TASP1: variants seen among roughly 807,000 people sequenced by gnomAD.
TASP1 encodes taspase 1, also known as threonine aspartase 1.
Under a neutral mutation model 56.6 loss-of-function variants are expected in TASP1, and 16 were observed. The observed-to-expected ratio is 0.28, with a 90% CI of 0.19 to 0.43. The LOEUF is 0.43. TASP1 is among the 20% of genes least tolerant of loss of function. The pLI, the probability that TASP1 is intolerant of heterozygous loss-of-function variation, is 1.00. For synonymous variants in TASP1, 179 were observed against 184.2 expected (o/e 0.97, Z 0.23); for missense variants, 393 against 511.6 (o/e 0.77, Z 2.24).
At position 13,517,116 on chromosome 20, in the gene TASP1, A is replaced by G. The variant is rs185957646; in HGVS notation, c.874+11317T>C. Among the ~76,000 whole-genome samples the G allele has an allele frequency of 1.4e-4, 21 of 152,220 alleles. No individual in the cohort carries two copies. In the East Asian group the frequency reaches 4.1e-3, roughly 29 times the overall value. On this transcript the variant is annotated intron_variant, in intron 10 of 13. Coordinates refer to ENST00000337743, the MANE Select transcript of TASP1 (RefSeq NM_017714.3). Reference sequence around the variant, plus strand: ...TTCCCTAGGTGAATGGATGCAGCAGAGCCTCATTCGGTGCTAATATAAGCC... The same window carrying G: ...TTCCCTAGGTGAATGGATGCAGCAGGGCCTCATTCGGTGCTAATATAAGCC...
At chr20:13,471,796 C>T (rs1327194549) in intron 11 of TASP1, among the ~76,000 whole-genome samples, 1 of 152,106 alleles carries the variant, frequency 6.6e-6, no homozygotes, top group Non-Finnish European at 1.5e-5. Context: ...AACTGAGGAA[C>T]CTGGTTCATC....
At chr20:13,359,145 C>A in the TASP1 span, among the ~76,000 whole-genome samples, 1,454 of 140,320 alleles carry the variant, frequency 0.01, 269 homozygotes, top group African/African-American at 0.041. Context: ...TCTCTGCGCC[C>A]CAGCCACATC....
At chr20:13,314,806 T>C in the TASP1 span, among the ~76,000 whole-genome samples, 4 of 152,122 alleles carry the variant, frequency 2.6e-5, no homozygotes, top group Admixed American at 1.3e-4. Flanking sequence ...TTTATTCAAT[T>C]ATGCACATAT....
chr20:13,233,429 C>A, the TASP1 span, among the ~76,000 whole-genome samples: 1 of 151,996 alleles, frequency 6.6e-6, no homozygotes, highest in East Asian at 1.9e-4. Context: ...AACCCCATCT[C>A]TACTGACAAT....
chr20:13,292,226 T>A, the TASP1 span: 1 of 611,228 alleles, frequency 1.6e-6, no homozygotes, highest in Admixed American at 3.1e-5. Flanking sequence ...TGCTTTTTAC[T>A]GTTTCCTCTG....
At chr20:13,435,989 C>T (rs1351856725) in intron 11 of TASP1, among the ~76,000 whole-genome samples, 4 of 152,016 alleles carry the variant, frequency 2.6e-5, no homozygotes, top group East Asian at 1.9e-4. Flanking sequence ...AGAAAGAAGC[C>T]ATAGCCCAAT....
chr20:13,164,251 T>G, the TASP1 span: 1 of 435,562 alleles, frequency 2.3e-6, no homozygotes, highest in Non-Finnish European at 4.7e-6. Flanking sequence ...TAGTATTTTC[T>G]GGGACACAGA....
chr20:13,251,427 A>G, the TASP1 span, among the ~76,000 whole-genome samples: 2 of 152,228 alleles, frequency 1.3e-5, no homozygotes, highest in Admixed American at 6.5e-5. Flanking sequence ...GAGATCAAAC[A>G]TGCGTCGTGG....
At chr20:13,364,561 T>C in the TASP1 span, among the ~76,000 whole-genome samples, 24,148 of 152,094 alleles carry the variant, frequency 0.16, 2,067 homozygotes, top group Admixed American at 0.22. Context: ...AAGGTCCACC[T>C]GATATATAGC....
At chr20:13,520,477 C>A (rs113707626) in intron 10 of TASP1, among the ~76,000 whole-genome samples, 3 of 152,138 alleles carry the variant, frequency 2.0e-5, no homozygotes, top group Non-Finnish European at 4.4e-5. Flanking sequence ...CACATATCTA[C>A]AACCATCTGG....
chr20:13,141,608 C>T, the TASP1 span, among the ~76,000 whole-genome samples: 2 of 152,188 alleles, frequency 1.3e-5, no homozygotes, highest in African/African-American at 4.8e-5. Context: ...CTGAGGGCCC[C>T]GGCATTCAAG....
chr20:13,211,979 C>T, the TASP1 span, among the ~76,000 whole-genome samples: 7 of 152,272 alleles, frequency 4.6e-5, no homozygotes, highest in East Asian at 1.2e-3. Flanking sequence ...CTGACCCTCA[C>T]TCTAGTCCCC....
At chr20:13,274,941 C>T in the TASP1 span, among the ~76,000 whole-genome samples, 1 of 152,126 alleles carries the variant, frequency 6.6e-6, no homozygotes, top group African/African-American at 2.4e-5. Flanking sequence ...TGGGTTTTAT[C>T]AAAAACAAAA....
intron 4 of TASP1, among the ~76,000 whole-genome samples, chr20:13,596,685 A>G (rs1406318572): frequency 6.6e-6 from 1 of 152,210 alleles, no homozygotes; most frequent in African/African-American, 2.4e-5. Flanking sequence ...CTAAGTTTAG[A>G]GCAGAACTGA....
intron 2 of TASP1, among the ~76,000 whole-genome samples, chr20:13,627,429 G>A (rs2048931909): frequency 6.6e-6 from 1 of 152,166 alleles, no homozygotes; most frequent in Middle Eastern, 3.2e-3. Flanking sequence ...CTTTACCTGA[G>A]AGTATGAAAT....
At chr20:13,439,770 G>A (rs1466304442) in intron 11 of TASP1, among the ~76,000 whole-genome samples, 1 of 152,010 alleles carries the variant, frequency 6.6e-6, no homozygotes, top group Admixed American at 6.6e-5. Flanking sequence ...TGAAAAATGA[G>A]TCAAAAATAT....
At chr20:13,511,960 A>G (rs1568529485) in intron 10 of TASP1, among the ~76,000 whole-genome samples, 1 of 151,994 alleles carries the variant, frequency 6.6e-6, no homozygotes, top group East Asian at 1.9e-4. Context: ...GCTGTATACT[A>G]TTCCATGGTG....
At chr20:13,488,996 A>G (rs562974806) in intron 10 of TASP1, among the ~76,000 whole-genome samples, 1 of 152,186 alleles carries the variant, frequency 6.6e-6, no homozygotes, top group Non-Finnish European at 1.5e-5. Flanking sequence ...CCCACCCTGG[A>G]GTAACAGTCA....
intron 10 of TASP1, among the ~76,000 whole-genome samples, chr20:13,519,484 T>C (rs997544981): frequency 2.1e-4 from 32 of 152,164 alleles, no homozygotes; most frequent in African/African-American, 7.7e-4. Flanking sequence ...AATCAATAAA[T>C]GTAATCCAGC....
Sources: allele counts gnomAD v4.1 joint callset (sites outside exome capture counted in the v4.1 genomes callset), GRCh38; gene constraint gnomAD v4.1.1; transcripts MANE v1.5; gene names NCBI Gene and HGNC (gene_info 2026-07-23, HGNC 2026-07-21).